GTF2F2: variants seen among roughly 807,000 people sequenced by gnomAD.
GTF2F2 encodes general transcription factor IIF subunit 2.
Under a neutral mutation model 42.2 loss-of-function variants are expected in GTF2F2, and 23 were observed. The ratio of observed to expected loss-of-function variants is 0.55; its 90% CI spans 0.39 to 0.77. GTF2F2 has a LOEUF of 0.77. GTF2F2 is among the 30% of genes least tolerant of loss of function. GTF2F2 has a pLI of 0.00. For missense variants in GTF2F2, 261 were observed against 287.2 expected (o/e 0.91, Z 0.66); for synonymous variants, 105 against 100.8 (o/e 1.04, Z -0.25).
At chr13:45,167,836 C>T (rs1174213154) in intron 4 of GTF2F2, among the ~76,000 whole-genome samples, 1 of 152,184 alleles carries the variant, frequency 6.6e-6, no homozygotes, top group Admixed American at 6.5e-5. Flanking sequence ...CAGGCATGAG[C>T]CACCACGCCC....
intron 4 of GTF2F2, among the ~76,000 whole-genome samples, chr13:45,198,066 G>A (rs926270551): frequency 1.3e-5 from 2 of 152,228 alleles, no homozygotes; most frequent in Non-Finnish European, 2.9e-5. Flanking sequence ...GTCTTAGACA[G>A]CTTTAATCAT....
At chr13:45,220,490 A>G (rs983952709) in intron 5 of GTF2F2, among the ~76,000 whole-genome samples, 48 of 152,192 alleles carry the variant, frequency 3.2e-4, no homozygotes, top group Admixed American at 8.5e-4. Context: ...ACTTCATCAT[A>G]TAAGTATTTT....
At chr13:45,140,060 A>G (rs1023383132) in intron 2 of GTF2F2, among the ~76,000 whole-genome samples, 16 of 152,030 alleles carry the variant, frequency 1.1e-4, no homozygotes, top group Admixed American at 6.6e-5. Flanking sequence ...TTTTTTTGAA[A>G]CAGGGTCTCA....
intron 6 of GTF2F2, among the ~76,000 whole-genome samples, chr13:45,254,231 C>T (rs1206891056): frequency 6.6e-6 from 1 of 152,006 alleles, no homozygotes; most frequent in Non-Finnish European, 1.5e-5. Flanking sequence ...CTTACTGTGC[C>T]TAATTTATAA....
intron 4 of GTF2F2, among the ~76,000 whole-genome samples, chr13:45,157,798 G>A (rs1315199812): frequency 2.0e-5 from 3 of 151,886 alleles, no homozygotes; most frequent in East Asian, 1.9e-4. Flanking sequence ...TCCCAGGCTG[G>A]TCTCGAACTC....
At chr13:45,129,955 G>A (rs1217246673) in intron 1 of GTF2F2, among the ~76,000 whole-genome samples, 2 of 152,260 alleles carry the variant, frequency 1.3e-5, no homozygotes, top group African/African-American at 4.8e-5. Context: ...ATACCCATGG[G>A]AAGAGTGTTC....
At chr13:45,187,698 A>G (rs1443659730) in intron 4 of GTF2F2, among the ~76,000 whole-genome samples, 2 of 152,248 alleles carry the variant, frequency 1.3e-5, no homozygotes, top group African/African-American at 4.8e-5. Context: ...AAGCCATTGT[A>G]TATTTTAAAG....
intron 5 of GTF2F2, among the ~76,000 whole-genome samples, chr13:45,241,289 A>G (rs887060308): frequency 7.9e-5 from 12 of 151,974 alleles, no homozygotes; most frequent in African/African-American, 2.9e-4. Flanking sequence ...AGAGCTGAGT[A>G]CTTGCTACCC....
intron 5 of GTF2F2, among the ~76,000 whole-genome samples, chr13:45,250,047 A>C (rs1593518244): frequency 1.6e-5 from 2 of 128,796 alleles, no homozygotes; most frequent in Non-Finnish European, 3.2e-5. Context: ...TTTTTGCCTT[A>C]TCTCTTTTTT....
At chr13:45,144,495 C>A (rs1198677528) in intron 2 of GTF2F2, among the ~76,000 whole-genome samples, 1 of 119,354 alleles carries the variant, frequency 8.4e-6, no homozygotes, top group Non-Finnish European at 1.6e-5. Context: ...GAGTCTCACT[C>A]AGTCACCCAG....
chr13:45,273,655 A>AATTTT (rs1555273613), intron 7 of GTF2F2, among the ~76,000 whole-genome samples: 1 of 123,864 alleles, frequency 8.1e-6, no homozygotes, highest in African/African-American at 3.5e-5. Context: ...GAGTGGTAAA[A>AATTTT]TTTTTTTTTT....
intron 2 of GTF2F2, among the ~76,000 whole-genome samples, chr13:45,143,609 C>T (rs921383199): frequency 1.4e-4 from 21 of 152,138 alleles, no homozygotes; most frequent in African/African-American, 3.6e-4. Flanking sequence ...CCACATCTTC[C>T]GAAGCTCAGC....
chr13:45,169,097 C>G, intron 4 of GTF2F2, among the ~76,000 whole-genome samples: 1 of 151,636 alleles, frequency 6.6e-6, no homozygotes, highest in East Asian at 1.9e-4. Flanking sequence ...TCAAGTGATC[C>G]GATCGCCTCG....
intron 7 of GTF2F2, among the ~76,000 whole-genome samples, chr13:45,267,810 A>ATTTTTTTTTTTTTTT (rs201281124): frequency 1.6e-5 from 2 of 121,764 alleles, no homozygotes; most frequent in South Asian, 2.6e-4. Context: ...TTTTCTGTGG[A>ATTTTTTTTTTTTTTT]TTTTTTTTTT....
chr13:45,136,801 T>A lies in GTF2F2; in HGVS notation c.135T>A (p.Ile45=). ...SGRGEVGKLR[I]AKTQGRTEVS... is the part of the protein sequence containing the mutation. The stretch of plus-strand genomic sequence containing the variant: ...GAGGTGAAGTTGGGAAACTGCGGAT[T>A]GCCAAGTAAGTTATTTACATATTCT... Residue 45 remains isoleucine (I), a synonymous_variant, in exon 2 of 8, where the codon ATT becomes ATA. Transcript: ENST00000340473. The A allele has an allele frequency of 6.4e-7, 1 of 1,562,370 alleles. No individual in the cohort carries two copies.
At chr13:45,195,496 ACTAC>A in intron 4 of GTF2F2, among the ~76,000 whole-genome samples, 1 of 152,158 alleles carries the variant, frequency 6.6e-6, no homozygotes, top group Non-Finnish European at 1.5e-5. Context: ...CAGAATACCT[ACTAC>A]AAAATAGTGT....
intron 2 of GTF2F2, among the ~76,000 whole-genome samples, chr13:45,148,427 C>T (rs769128670): frequency 1.4e-4 from 21 of 152,190 alleles, no homozygotes; most frequent in Non-Finnish European, 3.1e-4. Flanking sequence ...CTAGCCAAGT[C>T]TGATCACTCA....
intron 6 of GTF2F2, among the ~76,000 whole-genome samples, chr13:45,265,376 A>G (rs966709506): frequency 6.6e-6 from 1 of 151,918 alleles, no homozygotes; most frequent in Non-Finnish European, 1.5e-5. Flanking sequence ...CTCTTTGTCC[A>G]TTACTGCATT....
intron 4 of GTF2F2, among the ~76,000 whole-genome samples, chr13:45,160,653 A>C (rs1870991787): frequency 6.6e-6 from 1 of 152,172 alleles, no homozygotes; most frequent in South Asian, 2.1e-4. Context: ...TTATCAGAAA[A>C]GTTTTTAAAT....
Sources: allele counts gnomAD v4.1 joint callset (sites outside exome capture counted in the v4.1 genomes callset), GRCh38; gene constraint gnomAD v4.1.1; transcripts MANE v1.5; gene names NCBI Gene and HGNC (gene_info 2026-07-23, HGNC 2026-07-21).